AFG2A: variants seen among roughly 807,000 people sequenced by gnomAD.
AFG2A encodes the protein ATPase family gene 2 protein homolog A.
chr4:123,292,795 T>C, the AFG2A span, among the ~76,000 whole-genome samples: 1 of 152,312 alleles, frequency 6.6e-6, no homozygotes, highest in African/African-American at 2.4e-5. Context: ...TCAGTTTTTT[T>C]CCCATAATAT....
the AFG2A span, among the ~76,000 whole-genome samples, chr4:123,221,811 C>T: frequency 1.3e-5 from 2 of 151,962 alleles, 1 homozygote; most frequent in South Asian, 4.2e-4. Flanking sequence ...CTTGTAATCC[C>T]AGCTACTCAG....
the AFG2A span, among the ~76,000 whole-genome samples, chr4:123,262,254 C>T: frequency 6.6e-6 from 1 of 152,192 alleles, no homozygotes; most frequent in Non-Finnish European, 1.5e-5. Flanking sequence ...ATTTTACCAA[C>T]CAAAAATGTC....
the AFG2A span, among the ~76,000 whole-genome samples, chr4:123,031,491 G>A: frequency 2.0e-5 from 3 of 152,030 alleles, no homozygotes; most frequent in African/African-American, 7.2e-5. Flanking sequence ...TAAAAAACTT[G>A]GCAACTTTTG....
the AFG2A span, among the ~76,000 whole-genome samples, chr4:123,224,259 G>A: frequency 2.6e-5 from 4 of 151,776 alleles, no homozygotes; most frequent in East Asian, 5.8e-4. Flanking sequence ...TGTGCACAAC[G>A]TGCAGGTTTG....
the AFG2A span, among the ~76,000 whole-genome samples, chr4:123,124,634 T>C: frequency 6.6e-6 from 1 of 152,114 alleles, no homozygotes; most frequent in African/African-American, 2.4e-5. Context: ...ACTTAAAGTA[T>C]TAAAAAAACA....
the AFG2A span, among the ~76,000 whole-genome samples, chr4:123,095,077 GTGTGTATA>G: frequency 2.5e-4 from 14 of 55,634 alleles, no homozygotes; most frequent in East Asian, 3.8e-3. Context: ...GTGTGTGTGT[GTGTGTATA>G]TATATATATA....
the AFG2A span, among the ~76,000 whole-genome samples, chr4:123,158,509 A>G: frequency 6.6e-6 from 1 of 152,196 alleles, no homozygotes; most frequent in Non-Finnish European, 1.5e-5. Context: ...GAGATGAATA[A>G]AACATCACTT....
chr4:123,082,523 CTTTTTTTT>C, the AFG2A span, among the ~76,000 whole-genome samples: 6 of 141,262 alleles, frequency 4.2e-5, no homozygotes, highest in African/African-American at 1.3e-4. Flanking sequence ...TCTCTTTTTT[CTTTTTTTT>C]TTTTTTTGGT....
At chr4:123,000,612 A>G in the AFG2A span, among the ~76,000 whole-genome samples, 1 of 121,820 alleles carries the variant, frequency 8.2e-6, no homozygotes, top group Non-Finnish European at 1.8e-5. Flanking sequence ...ACATTTATTG[A>G]TTTGCATATA....
chr4:122,929,134 C>T, the AFG2A span: 4 of 1,613,170 alleles, frequency 2.5e-6, no homozygotes, highest in Admixed American at 6.7e-5. Flanking sequence ...CCTGGTGATG[C>T]CATCCAGGTC....
the AFG2A span, among the ~76,000 whole-genome samples, chr4:123,063,589 A>G: frequency 6.6e-6 from 1 of 152,146 alleles, no homozygotes; most frequent in Non-Finnish European, 1.5e-5. Flanking sequence ...TACTAAAAAT[A>G]CAAAAAATTA....
chr4:123,124,886 A>G, the AFG2A span, among the ~76,000 whole-genome samples: 2 of 152,230 alleles, frequency 1.3e-5, no homozygotes, highest in Non-Finnish European at 2.9e-5. Context: ...ATTATTTTAC[A>G]AAGAAAATGT....
At chr4:123,111,507 A>G in the AFG2A span, among the ~76,000 whole-genome samples, 1 of 152,154 alleles carries the variant, frequency 6.6e-6, no homozygotes, top group Non-Finnish European at 1.5e-5. Context: ...AAATTGAGAG[A>G]TTCAAGTTTT....
At chr4:123,185,508 C>G in the AFG2A span, among the ~76,000 whole-genome samples, 1 of 151,952 alleles carries the variant, frequency 6.6e-6, no homozygotes, top group African/African-American at 2.4e-5. Context: ...GTAATTTTGC[C>G]CAAACTCACA....
the AFG2A span, chr4:123,315,284 C>G: frequency 6.7e-6 from 1 of 149,766 alleles, no homozygotes; most frequent in Admixed American, 6.7e-5. Flanking sequence ...CCTGGGTTTA[C>G]TTACGCCATT....
the AFG2A span, among the ~76,000 whole-genome samples, chr4:123,223,278 C>T: frequency 1.3e-5 from 2 of 152,044 alleles, no homozygotes; most frequent in Admixed American, 6.6e-5. Flanking sequence ...TTTACATTCC[C>T]TCAGTGAGTA....
At chr4:123,249,981 A>G in the AFG2A span, among the ~76,000 whole-genome samples, 1 of 152,218 alleles carries the variant, frequency 6.6e-6, no homozygotes, top group African/African-American at 2.4e-5. Context: ...TGATTCATTG[A>G]TATGTTTTTA....
At chr4:122,996,605 A>G in the AFG2A span, among the ~76,000 whole-genome samples, 3 of 151,918 alleles carry the variant, frequency 2.0e-5, no homozygotes, top group Admixed American at 2.0e-4. Flanking sequence ...AGATAGATAG[A>G]TAGATAGATA....
the AFG2A span, chr4:123,256,127 G>A: frequency 6.2e-7 from 1 of 1,614,150 alleles, no homozygotes. Context: ...TGTCAGTAAT[G>A]AAGTTGACCT....
Sources: gnomAD v4.1 joint callset for allele counts (sites outside exome capture counted in the v4.1 genomes callset) on GRCh38, gnomAD v4.1.1 for gene constraint, MANE v1.5 for transcripts, NCBI Gene and HGNC (gene_info 2026-07-23, HGNC 2026-07-21) for gene names.